The following UBE2W variants were observed in gnomAD, a reference collection of about 807,000 sequenced individuals.
UBE2W encodes ubiquitin conjugating enzyme E2 W, also known as ubiquitin-conjugating enzyme E2 W.
A neutral mutation model predicts 27.2 loss-of-function variants in UBE2W; 18 were observed. The ratio of observed to expected loss-of-function variants is 0.66; its 90% confidence interval spans 0.46 to 0.98. UBE2W has a LOEUF of 0.98. Ranked by LOEUF, UBE2W falls within the 50% of genes least tolerant of loss-of-function variation. The probability of loss-of-function intolerance (pLI) is 0.00; values close to 1 mark genes in which losing one functional copy is unlikely to be tolerated. For missense variants in UBE2W, 90 were observed against 180.2 expected (o/e 0.50, Z 2.87); for synonymous variants, 53 against 57.2 (o/e 0.93, Z 0.33).
At chr8:73,798,458 T>C (rs1272800712) in intron 5 of UBE2W, among the ~76,000 whole-genome samples, 1 of 152,206 alleles carries the variant, frequency 6.6e-6, no homozygotes, top group Non-Finnish European at 1.5e-5. Context: ...CCCAAAACAC[T>C]TCTGGTCCCA....
intron 5 of UBE2W, among the ~76,000 whole-genome samples, chr8:73,796,084 A>AAAAGG (rs55682432): frequency 2.2e-5 from 3 of 138,198 alleles, no homozygotes; most frequent in African/African-American, 9.2e-5. Context: ...AAAAAAAAAA[A>AAAAGG]GGGGGATGTT....
At chr8:73,781,881 T>C (rs1055082094), downstream of UBE2W, among the ~76,000 whole-genome samples, 2 of 151,682 alleles carry the variant, frequency 1.3e-5, no homozygotes, top group Non-Finnish European at 2.9e-5. Context: ...CACTTTCTCA[T>C]ACCTTATTTC....
In UBE2W at chr8:73,792,785, C is replaced by T. The variant is rs1049870689; in HGVS notation, c.*1317G>A. ...ACATGGTACTGAGAACTGGACCTTT[C>T]AACAATTTTTTTTTTCTATAGAAAG... On this transcript the variant is annotated 3_prime_UTR_variant, in exon 6 of 6. Coordinates refer to ENST00000602593, the MANE Select transcript of UBE2W (RefSeq NM_018299.6). The T allele has an allele frequency of 1.1e-5, 11 of 985,306 alleles. No homozygotes were observed. The African/African-American group carries it at 1.9e-4, about 17-fold the overall frequency. 61.0% of individuals were successfully genotyped at this position (985,306 alleles called of 1,614,324 possible). A position where few individuals can be genotyped will look rare whatever the true frequency, so the allele number is the denominator to read the frequency against.
At chr8:73,847,138 C>T (rs1051837946) in intron 1 of UBE2W, among the ~76,000 whole-genome samples, 1 of 152,160 alleles carries the variant, frequency 6.6e-6, no homozygotes, top group East Asian at 1.9e-4. Flanking sequence ...CACCGCATTC[C>T]AGCCTGGGCG....
chr8:73,856,940 C>G (rs1443880162), intron 1 of UBE2W, among the ~76,000 whole-genome samples: 1 of 152,142 alleles, frequency 6.6e-6, no homozygotes, highest in Non-Finnish European at 1.5e-5. Flanking sequence ...CTCCTGGTCT[C>G]AAGTGATCCG....
intron 1 of UBE2W, among the ~76,000 whole-genome samples, chr8:73,861,854 C>T (rs2130972657): frequency 6.6e-6 from 1 of 152,216 alleles, no homozygotes; most frequent in Admixed American, 6.5e-5. Context: ...TCAAACAAAA[C>T]ATTTTACTAA....
At chr8:73,794,137 G>T in intron 5 of UBE2W, 22 bp from the exon 6 acceptor site, 2 of 1,611,182 alleles carry the variant, frequency 1.2e-6, no homozygotes, top group African/African-American at 1.3e-5. Context: ...GGAGAAAAAA[G>T]ATAATTAAAA....
At chr8:73,806,741 G>C (rs1808925901) in intron 4 of UBE2W, among the ~76,000 whole-genome samples, 1 of 152,028 alleles carries the variant, frequency 6.6e-6, no homozygotes, top group African/African-American at 2.4e-5. Context: ...TACTAAACTA[G>C]ATTTGTTGGG....
In UBE2W at chr8:73,786,655, T is replaced by G; in HGVS notation, c.*7447A>C. ...TAGCAGACGGCAGTGGAAGCTTGCATTGCTACTGCTTATGAAACAAGGTTT... is the reference window on the plus strand; with the variant it reads ...TAGCAGACGGCAGTGGAAGCTTGCAGTGCTACTGCTTATGAAACAAGGTTT... On this transcript the variant is annotated 3_prime_UTR_variant, in exon 6 of 6. Coordinates refer to ENST00000602593, the MANE Select transcript of UBE2W (RefSeq NM_018299.6). 1 of 985,466 alleles carries G rather than the reference T, an allele frequency of 1.0e-6. No individual in the cohort carries two copies. 61.0% of individuals were successfully genotyped at this position (985,466 alleles called of 1,614,324 possible). A position where few individuals can be genotyped will look rare whatever the true frequency, so the allele number is the denominator to read the frequency against.
At chr8:73,808,591 A>G (rs1001709573) in intron 4 of UBE2W, among the ~76,000 whole-genome samples, 2 of 152,226 alleles carry the variant, frequency 1.3e-5, no homozygotes, top group Non-Finnish European at 2.9e-5. Flanking sequence ...GATCGTCTCA[A>G]TGCCAAGGCA....
At chr8:73,850,664 T>C (rs1344791035) in intron 1 of UBE2W, among the ~76,000 whole-genome samples, 2 of 87,980 alleles carry the variant, frequency 2.3e-5, no homozygotes, top group African/African-American at 8.7e-5. Flanking sequence ...ATTACAAACA[T>C]AAAATCCAAG....
intron 1 of UBE2W, among the ~76,000 whole-genome samples, chr8:73,874,683 G>C (rs984476134): frequency 9.9e-5 from 15 of 152,166 alleles, no homozygotes; most frequent in Non-Finnish European, 2.2e-4. Flanking sequence ...AATATTTAAA[G>C]ATTTTTAGAA....
intron 5 of UBE2W, among the ~76,000 whole-genome samples, chr8:73,796,873 C>T (rs776950094): frequency 4.4e-5 from 6 of 135,798 alleles, no homozygotes; most frequent in African/African-American, 8.4e-5. Flanking sequence ...GACAAACTCA[C>T]CCCCCAACCA....
At position 73,833,172 on chromosome 8, in the gene UBE2W, G is replaced by A. The variant is rs1469226673; in HGVS notation, c.16-2700C>T. On this transcript the variant is annotated intron_variant, in intron 1 of 5. Transcript: ENST00000602593. ...TGCACTACAGCCTGGGCGACAGAGT[G>A]AGACTCCACCTCAAAAAAAAAAAAA... 4.2e-5 allele frequency among the ~76,000 whole-genome samples: 5 copies of A among 118,022 alleles called. No homozygotes were observed. In the Admixed American group the frequency reaches 4.4e-4, roughly 10 times the overall value. 77.4% of individuals were successfully genotyped at this position (118,022 alleles called of 152,430 possible).
chr8:73,859,061 A>T (rs1173244870), intron 1 of UBE2W, among the ~76,000 whole-genome samples: 1 of 151,230 alleles, frequency 6.6e-6, no homozygotes, highest in East Asian at 1.9e-4. Flanking sequence ...TTCTAAACTG[A>T]GCAATTTCTT....
At position 73,786,811 on chromosome 8, in the gene UBE2W, CAAGGA is replaced by C. The variant is rs1376018299; in HGVS notation, c.*7286_*7290del. ...TACACTCAACAGGACTTGAAAAATGCAAGGAGAGGACTACTGAGTATCATTGCTTG... is the reference window on the plus strand; with the variant it reads ...TACACTCAACAGGACTTGAAAAATGCGAGGACTACTGAGTATCATTGCTTG... On this transcript the variant is annotated 3_prime_UTR_variant, in exon 6 of 6. Transcript: ENST00000602593. The C allele has an allele frequency of 2.0e-6, 2 of 985,346 alleles. No homozygotes were observed. Among genetic ancestry groups the C allele is most frequent in the Non-Finnish European group, 2.4e-6 (2 of 829,924 alleles). 61.0% of individuals were successfully genotyped at this position (985,346 alleles called of 1,614,324 possible). A position where few individuals can be genotyped will look rare whatever the true frequency, so the allele number is the denominator to read the frequency against.
At chr8:73,815,928 ACAAG>A (rs1465350172) in intron 3 of UBE2W, among the ~76,000 whole-genome samples, 1 of 152,248 alleles carries the variant, frequency 6.6e-6, no homozygotes, top group Admixed American at 6.5e-5. Context: ...AACTGAACAT[ACAAG>A]CAATCAGTTT....
At chr8:73,813,620 A>G (rs1304083037) in intron 3 of UBE2W, among the ~76,000 whole-genome samples, 2 of 152,198 alleles carry the variant, frequency 1.3e-5, no homozygotes, top group Non-Finnish European at 2.9e-5. Flanking sequence ...AAGTTTGTCT[A>G]AACATATAAA....
At chr8:73,800,803 A>C (rs947400737) in intron 5 of UBE2W, among the ~76,000 whole-genome samples, 6 of 152,186 alleles carry the variant, frequency 3.9e-5, no homozygotes, top group African/African-American at 1.4e-4. Context: ...AAGAAAAATA[A>C]CTTCTATTGG....
Sources: allele counts gnomAD v4.1 joint callset (sites outside exome capture counted in the v4.1 genomes callset), GRCh38; gene constraint gnomAD v4.1.1; transcripts MANE v1.5; gene names NCBI Gene and HGNC (gene_info 2026-07-23, HGNC 2026-07-21).